The following KYAT1 variants were observed in gnomAD, a reference collection of about 807,000 sequenced individuals.
KYAT1 encodes kynurenine--oxoglutarate transaminase 1.
A neutral mutation model predicts 52.4 loss-of-function variants in KYAT1; 47 were observed. That is an observed-to-expected ratio of 0.90 (90% CI 0.71 to 1.14). KYAT1 has a LOEUF of 1.14. KYAT1 is among the 50% of genes most tolerant of loss of function. The probability of loss-of-function intolerance (pLI) is 0.00; values close to 1 mark genes in which losing one functional copy is unlikely to be tolerated. For synonymous variants in KYAT1, 212 were observed against 209.6 expected, an observed-to-expected ratio of 1.01 and a Z score of -0.10; for missense variants, 480 against 557.9, an observed-to-expected ratio of 0.86 and a Z score of 1.41.
chr9:128,878,300 A>G (rs1230135492), intron 1 of KYAT1, among the ~76,000 whole-genome samples: 1 of 152,016 alleles, frequency 6.6e-6, no homozygotes, highest in Non-Finnish European at 1.5e-5. Context: ...ACACCCAGCT[A>G]ATTTTTGTAT....
rs77850358 is a variant in KYAT1, at chr9:128,857,458, C to T, written c.-6-12047G>A. On this transcript the variant is annotated intron_variant, in intron 1 of 12. Coordinates refer to ENST00000302586, the MANE Select transcript of KYAT1 (RefSeq NM_004059.5). Reference sequence around the variant, plus strand: ...TGTGGAGGGACAGGCCACCGCTTCACTCAGCTTCCCAAAGTGCTGAAATTA... The same window carrying T: ...TGTGGAGGGACAGGCCACCGCTTCATTCAGCTTCCCAAAGTGCTGAAATTA... Among the ~76,000 whole-genome samples, 8 of 152,338 alleles carry T rather than the reference C, an allele frequency of 5.3e-5. No individual in the cohort carries two copies. The East Asian group carries it at 1.5e-3, about 29-fold the overall frequency.
In KYAT1 at chr9:128,849,857, C is replaced by G. The variant is rs1422451346; in HGVS notation, c.-6-4446G>C. ...ATTTGGACCTCTATCTCACAGAATA[C>G]ACACATATAAATTTTTTATTTTCTT... On this transcript the variant is annotated intron_variant, in intron 1 of 12. Coordinates refer to ENST00000302586, the MANE Select transcript of KYAT1 (RefSeq NM_004059.5). Among the ~76,000 whole-genome samples the G allele has an allele frequency of 4.2e-5, 6 of 144,530 alleles. No individual in the cohort carries two copies. In the Admixed American group the frequency reaches 4.2e-4, roughly 10 times the overall value. The allele number at this position is 144,530 out of a possible 152,430, so 94.8% of individuals were successfully genotyped here. A position where few individuals can be genotyped will look rare whatever the true frequency, so the allele number is the denominator to read the frequency against.
At chr9:128,870,392 A>C (rs970006644) in intron 1 of KYAT1, among the ~76,000 whole-genome samples, 1 of 152,348 alleles carries the variant, frequency 6.6e-6, no homozygotes, top group Non-Finnish European at 1.5e-5. Context: ...TGATGACTAT[A>C]ATCTCTGCAC....
chr9:128,836,195 G>T, intron 7 of KYAT1, 122 bp from the exon 8 acceptor site: 1 of 680,010 alleles, frequency 1.5e-6, no homozygotes, highest in Non-Finnish European at 2.4e-6. Flanking sequence ...TACATACTAA[G>T]TTATTTGCAC....
At chr9:128,852,383 T>C (rs894869672) in intron 1 of KYAT1, among the ~76,000 whole-genome samples, 1 of 152,222 alleles carries the variant, frequency 6.6e-6, no homozygotes, top group African/African-American at 2.4e-5. Context: ...GCTTTTACTA[T>C]ACCAGCCGTA....
intron 1 of KYAT1, among the ~76,000 whole-genome samples, chr9:128,868,941 T>C (rs541904938): frequency 2.0e-5 from 3 of 152,114 alleles, no homozygotes; most frequent in African/African-American, 7.2e-5. Context: ...CCTGACCTCA[T>C]GATCTGCCCA....
At position 128,870,950 on chromosome 9, in the gene KYAT1, CAA is replaced by C. The variant is rs11334239; in HGVS notation, c.-7+10945_-7+10946del. ...TGTTAGGTGAATTTCACCTCAATTA[CAA>C]AAAAAAAAAAAAAAGTATGGTAATT... On this transcript the variant is annotated intron_variant, in intron 1 of 12. Coordinates refer to ENST00000302586, the MANE Select transcript of KYAT1 (RefSeq NM_004059.5). Among the ~76,000 whole-genome samples, 796 of 98,006 alleles carry C rather than the reference CAA, an allele frequency of 8.1e-3. 12 individuals are homozygous for C. The highest frequency in any genetic ancestry group is 0.061 in the East Asian group (206 of 3,360). 64.3% of individuals were successfully genotyped at this position (98,006 alleles called of 152,430 possible). A position where few individuals can be genotyped will look rare whatever the true frequency, so the allele number is the denominator to read the frequency against.
At chr9:128,842,066 C>G (rs1375232065) in intron 3 of KYAT1, 2 of 299,572 alleles carry the variant, frequency 6.7e-6, no homozygotes, top group Non-Finnish European at 1.4e-5. Context: ...GTGATGCACA[C>G]CTGTAGTCCC....
chr9:128,874,828 G>A (rs923897533), intron 1 of KYAT1, among the ~76,000 whole-genome samples: 5 of 148,724 alleles, frequency 3.4e-5, no homozygotes, highest in Non-Finnish European at 7.4e-5. Flanking sequence ...AGGTTCAAAC[G>A]ATTCTCCTGC....
chr9:128,846,824 T>G, intron 1 of KYAT1: 1 of 1,535,592 alleles, frequency 6.5e-7, no homozygotes, highest in Non-Finnish European at 8.7e-7. Context: ...TGGTGGGCCG[T>G]GGAGCTGGGG....
intron 1 of KYAT1, among the ~76,000 whole-genome samples, chr9:128,864,360 T>C (rs1304967429): frequency 1.9e-5 from 2 of 107,622 alleles, no homozygotes; most frequent in Non-Finnish European, 2.0e-5. Flanking sequence ...AGCGAGACTC[T>C]GTCTCAAAAA....
chr9:128,848,912 G>A (rs10739737), intron 1 of KYAT1, among the ~76,000 whole-genome samples: 83,691 of 151,500 alleles, frequency 0.55, 27,849 homozygotes, highest in Non-Finnish European at 0.71. Flanking sequence ...AGGATCATTT[G>A]AGGTCAGGAG....
intron 1 of KYAT1, among the ~76,000 whole-genome samples, chr9:128,861,667 A>C (rs1308308500): frequency 6.6e-6 from 1 of 152,204 alleles, no homozygotes; most frequent in East Asian, 1.9e-4. Context: ...TTGAGCAACA[A>C]AGGGTAGTGT....
At chr9:128,853,301 C>T (rs1834176354) in intron 1 of KYAT1, among the ~76,000 whole-genome samples, 1 of 152,172 alleles carries the variant, frequency 6.6e-6, no homozygotes, top group African/African-American at 2.4e-5. Flanking sequence ...CTAAAATTAC[C>T]AGATATAAAC....
chr9:128,870,081 G>A (rs1280972455), intron 1 of KYAT1, among the ~76,000 whole-genome samples: 1 of 152,032 alleles, frequency 6.6e-6, no homozygotes, highest in Non-Finnish European at 1.5e-5. Context: ...TAATTTTTAT[G>A]AAGTCCAAAT....
At chr9:128,835,719 G>A (rs1233239573) in intron 9 of KYAT1, 52 bp from the exon 10 acceptor site, 2 of 1,603,550 alleles carry the variant, frequency 1.2e-6, no homozygotes, top group Admixed American at 3.4e-5. Flanking sequence ...CTGACGCGGG[G>A]GCCAGCCTGG....
At chr9:128,840,006 A>C (rs781343486) in intron 3 of KYAT1, among the ~76,000 whole-genome samples, 4 of 152,210 alleles carry the variant, frequency 2.6e-5, no homozygotes, top group Non-Finnish European at 5.9e-5. Flanking sequence ...GAAGTGAGTT[A>C]TGATCACACC....
At chr9:128,834,363 G>A (rs1241120881) in intron 11 of KYAT1, among the ~76,000 whole-genome samples, 2 of 152,220 alleles carry the variant, frequency 1.3e-5, no homozygotes, top group Non-Finnish European at 2.9e-5. Context: ...GGATCATGGA[G>A]CAGGTCAGGG....
chr9:128,860,734 TG>T (rs1278885662), intron 1 of KYAT1, among the ~76,000 whole-genome samples: 1 of 152,080 alleles, frequency 6.6e-6, no homozygotes, highest in African/African-American at 2.4e-5. Flanking sequence ...GGCTAATTTT[TG>T]TATTTTTAGT....
Sources: allele counts gnomAD v4.1 joint callset (sites outside exome capture counted in the v4.1 genomes callset), GRCh38; gene constraint gnomAD v4.1.1; transcripts MANE v1.5; gene names NCBI Gene and HGNC (gene_info 2026-07-23, HGNC 2026-07-21).